ACYP2: variants seen among roughly 807,000 people sequenced by gnomAD.
ACYP2 encodes the protein acylphosphatase 2.
ACYP2 carries 12 observed loss-of-function variants against 11.2 expected under a neutral mutation model. That is an observed-to-expected ratio of 1.08 (90% CI 0.69 to 1.74). The LOEUF (loss-of-function observed/expected upper bound fraction) is 1.74. Ranked by LOEUF, ACYP2 falls within the 40% of genes most tolerant of loss-of-function variation. ACYP2 has a pLI of 0.00. For missense variants in ACYP2, 134 were observed against 101.9 expected, an observed-to-expected ratio of 1.31 and a Z score of -1.35; for synonymous variants, 43 against 32.2, an observed-to-expected ratio of 1.33 and a Z score of -1.13.
chr2:54,017,041 G>C (rs1673727910), intron 2 of ACYP2, among the ~76,000 whole-genome samples: 1 of 146,334 alleles, frequency 6.8e-6, no homozygotes, highest in Non-Finnish European at 1.5e-5. Flanking sequence ...TGTCTTTTGA[G>C]GACCTTCTTG....
intron 2 of ACYP2, among the ~76,000 whole-genome samples, chr2:54,003,442 T>C (rs554682881): frequency 1.3e-5 from 2 of 152,110 alleles, no homozygotes; most frequent in African/African-American, 4.8e-5. Context: ...GTATTTTTAG[T>C]ATAGATGGGG....
chr2:53,986,398 A>G (rs922563617), intron 2 of ACYP2, among the ~76,000 whole-genome samples: 52 of 149,250 alleles, frequency 3.5e-4, no homozygotes, highest in Non-Finnish European at 6.2e-4. Flanking sequence ...GTGCAGTGGC[A>G]TGATCTCAGC....
rs573491935 is a variant in ACYP2, at chr2:54,159,548, G to C, written c.404+20800G>C. Among the ~76,000 whole-genome samples, 248 of 152,118 alleles carry C rather than the reference G, an allele frequency of 1.6e-3. 12 individuals are homozygous for C. The South Asian group carries it at 0.049, about 30-fold the overall frequency. ...AGTTAAAGTATTTTATCATGATAAT[G>C]TTTTCATTCAGTAAATGTTTATTAT... On this transcript the variant is annotated intron_variant, in intron 6 of 6. Transcript: ENST00000607452.
chr2:54,111,366 G>T (rs1679451971), intron 4 of ACYP2, among the ~76,000 whole-genome samples: 1 of 152,144 alleles, frequency 6.6e-6, no homozygotes, highest in Admixed American at 6.5e-5. Flanking sequence ...GGCAAGGGCG[G>T]GGGGGACCAA....
At chr2:54,010,288 A>T (rs1006272287) in intron 2 of ACYP2, among the ~76,000 whole-genome samples, 1 of 152,174 alleles carries the variant, frequency 6.6e-6, no homozygotes, top group South Asian at 2.1e-4. Context: ...GGTCAAGACC[A>T]TCCTGGCCAA....
Position 54,271,865 on chromosome 2 carries a change from T to C in ACYP2, c.405-32823T>C, listed in dbSNP as rs761850393. ...GTCACTTTGATAAACTCACATAGGCTAATAAGCAAATTTCTTAGGATTTTT... is the reference window on the plus strand; with the variant it reads ...GTCACTTTGATAAACTCACATAGGCCAATAAGCAAATTTCTTAGGATTTTT... On this transcript the variant is annotated intron_variant, in intron 6 of 6. Transcript: ENST00000607452. Among the ~76,000 whole-genome samples the C allele has an allele frequency of 3.9e-5, 6 of 152,162 alleles. 1 individual carries two copies. The highest frequency in any genetic ancestry group is 8.8e-5 in the Non-Finnish European group (6 of 68,030).
chr2:54,090,995 C>T (rs1048471733), intron 4 of ACYP2, among the ~76,000 whole-genome samples: 3 of 152,142 alleles, frequency 2.0e-5, no homozygotes, highest in East Asian at 3.8e-4. Flanking sequence ...ACACAATGAA[C>T]GCTGACATAA....
intron 3 of ACYP2, among the ~76,000 whole-genome samples, chr2:54,056,389 T>A (rs1019064466): frequency 1.3e-5 from 2 of 152,264 alleles, no homozygotes; most frequent in Non-Finnish European, 2.9e-5. Context: ...ATCCCTTGAC[T>A]GATTTAGGTT....
At chr2:54,070,134 G>T (rs1676957171) in intron 4 of ACYP2, among the ~76,000 whole-genome samples, 2 of 152,076 alleles carry the variant, frequency 1.3e-5, no homozygotes, top group Admixed American at 6.5e-5. Flanking sequence ...GTTGGGCATG[G>T]TGGCACATGC....
chr2:54,251,048 T>C (rs1335830074), intron 6 of ACYP2, among the ~76,000 whole-genome samples: 2 of 152,210 alleles, frequency 1.3e-5, no homozygotes, highest in Non-Finnish European at 2.9e-5. Context: ...ATGGATTTGA[T>C]GATCTATTTG....
chr2:54,194,331 C>T (rs972646154), intron 6 of ACYP2, among the ~76,000 whole-genome samples: 2 of 151,996 alleles, frequency 1.3e-5, no homozygotes, highest in Admixed American at 6.6e-5. Flanking sequence ...TGAGCCACCG[C>T]GCCCAGCCCC....
chr2:54,103,441 A>C (rs1679004835), intron 4 of ACYP2, among the ~76,000 whole-genome samples: 1 of 152,138 alleles, frequency 6.6e-6, no homozygotes, highest in African/African-American at 2.4e-5. Flanking sequence ...TCAGTTTTGC[A>C]TGCTGGAAAT....
At chr2:54,011,973 C>T (rs1201130625) in intron 2 of ACYP2, among the ~76,000 whole-genome samples, 3 of 152,108 alleles carry the variant, frequency 2.0e-5, no homozygotes, top group African/African-American at 7.2e-5. Flanking sequence ...AAGTGGCTCA[C>T]ACTTGTAATC....
chr2:54,259,392 C>A (rs1013255721), intron 6 of ACYP2, among the ~76,000 whole-genome samples: 2 of 152,042 alleles, frequency 1.3e-5, no homozygotes, highest in African/African-American at 4.8e-5. Flanking sequence ...GATAGTGAGT[C>A]CTGATAAGCT....
At chr2:54,004,901 A>AC (rs1217273930) in intron 2 of ACYP2, among the ~76,000 whole-genome samples, 1 of 127,806 alleles carries the variant, frequency 7.8e-6, no homozygotes, top group East Asian at 2.3e-4. Flanking sequence ...TCTCAAAAAA[A>AC]AAAAAAAAAA....
intron 6 of ACYP2, among the ~76,000 whole-genome samples, chr2:54,278,992 T>C (rs957448129): frequency 2.0e-5 from 3 of 152,184 alleles, no homozygotes; most frequent in Non-Finnish European, 2.9e-5. Flanking sequence ...TGTACAGTCA[T>C]GGAACAGAGA....
intron 6 of ACYP2, among the ~76,000 whole-genome samples, chr2:54,171,665 T>C (rs1156280372): frequency 6.6e-6 from 1 of 152,182 alleles, no homozygotes; most frequent in African/African-American, 2.4e-5. Flanking sequence ...GTAAGAGCTT[T>C]TTTCACCCCT....
At chr2:54,230,493 C>T (rs563440121) in intron 6 of ACYP2, among the ~76,000 whole-genome samples, 3 of 151,702 alleles carry the variant, frequency 2.0e-5, no homozygotes, top group Admixed American at 6.6e-5. Context: ...AGTAGCTGGG[C>T]GCCACCACAC....
At chr2:54,106,831 C>G (rs1053859453) in intron 4 of ACYP2, among the ~76,000 whole-genome samples, 2 of 152,046 alleles carry the variant, frequency 1.3e-5, no homozygotes, top group East Asian at 3.9e-4. Flanking sequence ...GATCCGCCCC[C>G]CCTCGGCCTC....
Sources: gnomAD v4.1 joint callset for allele counts (sites outside exome capture counted in the v4.1 genomes callset) on GRCh38, gnomAD v4.1.1 for gene constraint, MANE v1.5 for transcripts, NCBI Gene and HGNC (gene_info 2026-07-23, HGNC 2026-07-21) for gene names.